Variants in SEMA4A observed in about 807,000 individuals in gnomAD.
The protein encoded by SEMA4A is semaphorin-4A.
Under a neutral mutation model 72.5 loss-of-function variants are expected in SEMA4A, and 52 were observed. That is an observed-to-expected ratio of 0.72 (90% CI 0.57 to 0.90). The LOEUF is 0.90. SEMA4A is among the 40% of genes least tolerant of loss of function. SEMA4A has a pLI of 0.00. For missense variants in SEMA4A, 926 were observed against 959.7 expected (o/e 0.96, Z 0.46); for synonymous variants, 369 against 393.1 (o/e 0.94, Z 0.73).
intron 2 of SEMA4A, chr1:156,155,954 A>C (rs1652972314): frequency 3.9e-6 from 1 of 254,708 alleles, no homozygotes; most frequent in East Asian, 9.9e-5. Context: ...AATTTCCTTT[A>C]ACAGAAGAGG....
At chr1:156,174,543 C>T (rs562741375) in intron 11 of SEMA4A, among the ~76,000 whole-genome samples, 2 of 152,256 alleles carry the variant, frequency 1.3e-5, no homozygotes, top group East Asian at 1.9e-4. Flanking sequence ...AGCACCCAGC[C>T]GCCCACTGTT....
rs1207902140 is a variant in SEMA4A at position 156,161,199 on chromosome 1, G to T, written c.811-147G>T. 1.4e-5 allele frequency: 6 copies of T among 441,196 alleles called. No individual in the cohort carries two copies. In the South Asian group the frequency reaches 1.9e-4, roughly 14 times the overall value. The allele number at this position is 441,196 out of a possible 1,614,324, so 27.3% of individuals were successfully genotyped here. On this transcript the variant is annotated intron_variant, in intron 8 of 14. Transcript: ENST00000368285. Reference sequence around the variant, plus strand: ...GCGGGGCTGGGCGGGTGGGGCGGGGGACAAGCGTGGCTGAGGGGGCGGGGT... The same window carrying T: ...GCGGGGCTGGGCGGGTGGGGCGGGGTACAAGCGTGGCTGAGGGGGCGGGGT...
At position 156,172,871 on chromosome 1, in the gene SEMA4A, G is replaced by A; in HGVS notation, c.1180G>A (p.Asp394Asn). Residue 394 changes from aspartate to asparagine, a missense_variant, in exon 11 of 15, where the codon GAC (aspartate) becomes AAC (asparagine). Coordinates refer to ENST00000368285, the MANE Select transcript of SEMA4A (RefSeq NM_022367.4). ...TGATAAGGCCCTGACCTTCATGAAG[G>A]ACCATTTCCTGATGGATGAGCAAGT... ...SSDKALTFMKDHFLMDEQVVG... is the reference protein window; with the variant it reads ...SSDKALTFMKNHFLMDEQVVG... The A allele has an allele frequency of 1.2e-6, 2 of 1,614,170 alleles. No homozygotes were observed. The highest frequency in any genetic ancestry group is 1.3e-5 in the African/African-American group (1 of 75,056).
rs560835638 is a variant in SEMA4A at position 156,163,831 on chromosome 1, G to A, written c.1134+737G>A. ...ACAGGAGGTTCACTTGAGGCCAGGA[G>A]TTTGAGACCAGCCTGGGCAACATTG... is the stretch of plus-strand genomic sequence containing the variant. On this transcript the variant is annotated intron_variant, in intron 10 of 14. Transcript: ENST00000368285. 6.4e-3 allele frequency among the ~76,000 whole-genome samples: 975 copies of A among 151,324 alleles called. 7 individuals are homozygous for A. Among genetic ancestry groups the A allele is most frequent in the Middle Eastern group, 0.014 (4 of 288 alleles).
chr1:156,163,003 GT>G lies in SEMA4A; in HGVS notation c.1044del (p.Val349SerfsTer9), dbSNP rs778054143. 6.2e-7 allele frequency: 1 copy of G among 1,614,118 alleles called. No homozygotes were observed. The highest frequency in any genetic ancestry group is 8.5e-7 in the Non-Finnish European group (1 of 1,180,022). On this transcript the variant is annotated frameshift_variant, in exon 10 of 15. Transcript: ENST00000368285. LOFTEE classifies it high-confidence loss of function. ...VCAFSLLDIE[R>X]VFKGKYKELN... ...GCCTTCTCTCTCTTGGACATTGAAC[GT>G]GTCTTTAAGGGGAAATACAAAGAGT...
intron 10 of SEMA4A, among the ~76,000 whole-genome samples, chr1:156,171,515 C>G (rs969278928): frequency 4.6e-5 from 7 of 152,172 alleles, no homozygotes; most frequent in African/African-American, 1.7e-4. Context: ...TTATTGAGCA[C>G]CAACTGTGTG....
chr1:156,172,171 G>T (rs1184590544), intron 10 of SEMA4A, among the ~76,000 whole-genome samples: 1 of 151,252 alleles, frequency 6.6e-6, no homozygotes, highest in Non-Finnish European at 1.5e-5. Flanking sequence ...AGGTTGGAGT[G>T]CAGTGGCACA....
chr1:156,171,265 A>T (rs1402003636), intron 10 of SEMA4A, among the ~76,000 whole-genome samples: 1 of 152,214 alleles, frequency 6.6e-6, no homozygotes, highest in Admixed American at 6.5e-5. Flanking sequence ...GAGAACAAGG[A>T]TCCTGACTGA....
At chr1:156,159,003 T>G (rs1653323441) in intron 6 of SEMA4A, 179 bp downstream of exon 6, 2 of 572,644 alleles carry the variant, frequency 3.5e-6, no homozygotes, top group Admixed American at 2.8e-5. Context: ...GGTTTGAGTC[T>G]AGCCTGGGCA....
At chr1:156,168,555 C>CT (rs894350851) in intron 10 of SEMA4A, among the ~76,000 whole-genome samples, 39 of 149,066 alleles carry the variant, frequency 2.6e-4, no homozygotes, top group South Asian at 6.4e-4. Context: ...TCTTCTTCTT[C>CT]TTTTTTTTTT....
intron 10 of SEMA4A, among the ~76,000 whole-genome samples, chr1:156,164,048 G>GA (rs34436852): frequency 0.47 from 52,928 of 111,526 alleles, 10,535 homozygotes; most frequent in South Asian, 0.53. Context: ...GTTTTTAAAT[G>GA]AAAAAAAAAA....
At chr1:156,164,373 CTA>C (rs1208371919) in intron 10 of SEMA4A, among the ~76,000 whole-genome samples, 1 of 152,198 alleles carries the variant, frequency 6.6e-6, no homozygotes, top group Non-Finnish European at 1.5e-5. Flanking sequence ...GAGGATTTAA[CTA>C]TGTTCCCCAA....
chr1:156,162,551 C>T (rs1572402528), intron 9 of SEMA4A, among the ~76,000 whole-genome samples: 1 of 152,216 alleles, frequency 6.6e-6, no homozygotes, highest in East Asian at 1.9e-4. Context: ...GGTCGGTTCT[C>T]TGAGGACCAG....
Position 156,161,422 on chromosome 1 carries a change from CG to C in SEMA4A, c.891del (p.Gln298SerfsTer60). On this transcript the variant is annotated frameshift_variant, in exon 9 of 15. Coordinates refer to ENST00000368285, the MANE Select transcript of SEMA4A (RefSeq NM_022367.4). LOFTEE classifies it high-confidence loss of function. The part of the protein sequence containing the change: ...FLKAQLLCTQ[P>X]GQLPFNVIRH... The stretch of plus-strand genomic sequence containing the variant: ...AAGGCCCAGCTGCTCTGCACCCAGC[CG>C]GGGCAGCTGCCCTTCAACGTCATCC... 6.2e-7 allele frequency: 1 copy of C among 1,613,898 alleles called. No individual in the cohort carries two copies. Among genetic ancestry groups the C allele is most frequent in the Non-Finnish European group, 8.5e-7 (1 of 1,179,938 alleles).
chr1:156,169,543 C>T (rs1425229206), intron 10 of SEMA4A, among the ~76,000 whole-genome samples: 2 of 150,362 alleles, frequency 1.3e-5, no homozygotes, highest in South Asian at 2.1e-4. Context: ...CCTCAGTCTC[C>T]GGAGTAGCTG....
chr1:156,156,736 G>A (rs1274205210), intron 3 of SEMA4A, among the ~76,000 whole-genome samples, 162 bp downstream of exon 3: 4 of 135,584 alleles, frequency 3.0e-5, no homozygotes, highest in South Asian at 2.4e-4. Context: ...AGGAAATGTC[G>A]TGGCCTCACT....
intron 10 of SEMA4A, 187 bp downstream of exon 10, chr1:156,163,281 G>A (rs915170301): frequency 3.1e-6 from 2 of 649,116 alleles, no homozygotes; most frequent in Non-Finnish European, 5.4e-6. Context: ...TTTATACACG[G>A]AGCAGTTGCT....
chr1:156,172,681 C>A, intron 10 of SEMA4A, 145 bp from the exon 11 acceptor site: 1 of 784,818 alleles, frequency 1.3e-6, no homozygotes. Context: ...CACAATCAGG[C>A]AGCTCCAGAG....
Position 156,160,446 on chromosome 1 carries a change from G to C in SEMA4A, c.572G>C (p.Gly191Ala). ...CTTCTCCTCTCCTCCACCCTAGATG[G>C]GATGCTCTATTCTGGTACTATGAAC... is the stretch of plus-strand genomic sequence containing the variant. ...AHKHTAVLVD[G>A]MLYSGTMNNF... Residue 191 changes from glycine (G) to alanine (A), a missense_variant, in exon 7 of 15, where the codon GGG (glycine) becomes GCG (alanine). By Grantham distance (60) the Gly-to-Ala change is moderately conservative. Transcript: ENST00000368285. 6.2e-7 allele frequency: 1 copy of C among 1,612,434 alleles called. No individual in the cohort carries two copies. The highest frequency in any genetic ancestry group is 1.7e-4 in the Middle Eastern group (1 of 6,058).
Sources: gnomAD v4.1 joint callset for allele counts (sites outside exome capture counted in the v4.1 genomes callset) on GRCh38, gnomAD v4.1.1 for gene constraint, MANE v1.5 for transcripts, NCBI Gene and HGNC (gene_info 2026-07-23, HGNC 2026-07-21) for gene names.